SEMA4D: variants seen among roughly 807,000 people sequenced by gnomAD.
SEMA4D encodes semaphorin 4D.
SEMA4D carries 22 observed loss-of-function variants against 74.8 expected under a neutral mutation model. The observed-to-expected ratio is 0.29, with a 90% confidence interval of 0.21 to 0.42. The LOEUF (loss-of-function observed/expected upper bound fraction) is 0.42. SEMA4D is among the 10% of genes least tolerant of loss of function. The probability of loss-of-function intolerance (pLI) is 1.00; values close to 1 mark genes in which losing one functional copy is unlikely to be tolerated. For missense variants in SEMA4D, 937 were observed against 1,118.4 expected (o/e 0.84, Z 2.31); for synonymous variants, 445 against 463.7 (o/e 0.96, Z 0.52).
In SEMA4D at chr9:89,387,447, G is replaced by A. The variant is rs146117514; in HGVS notation, c.1269C>T (p.Ile423=). The change falls in exon 12 of 16, where the codon ATC becomes ATT. Residue 423 remains isoleucine (I), a synonymous_variant. Transcript: ENST00000422704. ...CCAGGGCCTGGGTCCGGTCCACCACGATCTGGGTGTAGTTCACATCTTTCT... is the reference window on the plus strand; with the variant it reads ...CCAGGGCCTGGGTCCGGTCCACCACAATCTGGGTGTAGTTCACATCTTTCT... ...LIKKDVNYTQ[I]VVDRTQALDG... is the part of the protein sequence containing the mutation. 1.4e-5 allele frequency: 22 copies of A among 1,614,090 alleles called. No individual in the cohort carries two copies. The highest frequency in any genetic ancestry group is 4.5e-5 in the East Asian group (2 of 44,904).
intron 1 of SEMA4D, among the ~76,000 whole-genome samples, chr9:89,456,465 AAC>A (rs1230785643): frequency 6.6e-6 from 1 of 152,200 alleles, no homozygotes; most frequent in Non-Finnish European, 1.5e-5. Context: ...TCAATATTCC[AAC>A]ACTTTTTAAG....
At chr9:89,366,959 G>A (rs1185139687) in intron 16 of SEMA4D, among the ~76,000 whole-genome samples, 3 of 152,184 alleles carry the variant, frequency 2.0e-5, no homozygotes, top group Admixed American at 6.5e-5. Context: ...ATCACCCAAC[G>A]CCCCATCATG....
chr9:89,451,340 G>A (rs912579169), intron 2 of SEMA4D, among the ~76,000 whole-genome samples: 8 of 152,164 alleles, frequency 5.3e-5, no homozygotes, highest in African/African-American at 1.9e-4. Flanking sequence ...CACTTATGAA[G>A]CAATTCCCAT....
intron 1 of SEMA4D, among the ~76,000 whole-genome samples, chr9:89,457,223 G>C: frequency 6.6e-6 from 1 of 152,068 alleles, no homozygotes. Context: ...GTGATGGGGT[G>C]GGGAAACCAG....
intron 2 of SEMA4D, chr9:89,450,678 A>AAAAAAAAAAAAAAC: frequency 1.2e-6 from 1 of 815,704 alleles, no homozygotes; most frequent in Non-Finnish European, 1.9e-6. Context: ...AAAAAAAAAA[A>AAAAAAAAAAAAAAC]AAAAAAAAAG....
At chr9:89,439,912 C>T (rs1851316620) in intron 2 of SEMA4D, among the ~76,000 whole-genome samples, 1 of 152,366 alleles carries the variant, frequency 6.6e-6, no homozygotes, top group East Asian at 1.9e-4. Context: ...TAAGCATTCA[C>T]TTACTTTAGC....
chr9:89,453,857 CTTTTT>C (rs11300976), intron 2 of SEMA4D, among the ~76,000 whole-genome samples: 3 of 127,946 alleles, frequency 2.3e-5, no homozygotes. Flanking sequence ...GAATATATGT[CTTTTT>C]TTTTTTTTTT....
downstream of SEMA4D, among the ~76,000 whole-genome samples, chr9:89,374,002 C>T (rs1028532925): frequency 5.3e-5 from 8 of 152,230 alleles, no homozygotes; most frequent in Admixed American, 3.3e-4. Context: ...GCCCTGGCCT[C>T]GGCCCACCCT....
intron 1 of SEMA4D, among the ~76,000 whole-genome samples, chr9:89,458,007 T>C (rs1297332403): frequency 1.3e-5 from 2 of 152,218 alleles, no homozygotes; most frequent in African/African-American, 2.4e-5. Context: ...CACTCCAGCC[T>C]GGTCGATAGA....
At chr9:89,398,862 G>C (rs1487014540) in intron 5 of SEMA4D, among the ~76,000 whole-genome samples, 1 of 152,200 alleles carries the variant, frequency 6.6e-6, no homozygotes, top group Non-Finnish European at 1.5e-5. Flanking sequence ...CAAGTCCAAC[G>C]AAGGGGTTGA....
chr9:89,452,554 C>T (rs1461510222), intron 2 of SEMA4D, among the ~76,000 whole-genome samples: 5 of 152,140 alleles, frequency 3.3e-5, no homozygotes, highest in Non-Finnish European at 7.4e-5. Context: ...TGGCTTCAAG[C>T]GATTCTCCTA....
chr9:89,446,189 C>G (rs1037539051), intron 2 of SEMA4D, among the ~76,000 whole-genome samples: 1 of 152,218 alleles, frequency 6.6e-6, no homozygotes, highest in African/African-American at 2.4e-5. Flanking sequence ...ACACCCACCA[C>G]TACTCTAGCC....
At chr9:89,443,941 C>T (rs953484270) in intron 2 of SEMA4D, among the ~76,000 whole-genome samples, 2 of 152,194 alleles carry the variant, frequency 1.3e-5, no homozygotes, top group Non-Finnish European at 2.9e-5. Flanking sequence ...GGGCCAGGCA[C>T]AGGCACCTAA....
At chr9:89,440,020 G>A (rs551510725) in intron 2 of SEMA4D, among the ~76,000 whole-genome samples, 4 of 152,300 alleles carry the variant, frequency 2.6e-5, no homozygotes, top group East Asian at 1.9e-4. Flanking sequence ...GTCAGGAGCC[G>A]TGTCCAGGAC....
chr9:89,481,694 G>C (rs1824709528), intron 1 of SEMA4D, among the ~76,000 whole-genome samples: 2 of 152,256 alleles, frequency 1.3e-5, no homozygotes, highest in African/African-American at 4.8e-5. Flanking sequence ...ACAGACGGAT[G>C]CTGAGTGACA....
intron 1 of SEMA4D, among the ~76,000 whole-genome samples, chr9:89,483,467 G>A (rs761280534): frequency 2.9e-4 from 44 of 152,096 alleles, no homozygotes; most frequent in Non-Finnish European, 4.4e-4. Flanking sequence ...AAAATCAAGC[G>A]GTAGAGGAGT....
chr9:89,434,173 C>G (rs1849888362), intron 2 of SEMA4D, among the ~76,000 whole-genome samples: 1 of 152,218 alleles, frequency 6.6e-6, no homozygotes, highest in African/African-American at 2.4e-5. Context: ...GCGACAAGGT[C>G]TACCCAGTCA....
At chr9:89,398,737 G>A (rs1469633786) in intron 5 of SEMA4D, among the ~76,000 whole-genome samples, 1 of 152,184 alleles carries the variant, frequency 6.6e-6, no homozygotes, top group Non-Finnish European at 1.5e-5. Context: ...CTCACACAAA[G>A]CCTGCTCCTG....
chr9:89,461,797 G>C (rs965951072), intron 1 of SEMA4D, among the ~76,000 whole-genome samples: 2 of 145,362 alleles, frequency 1.4e-5, no homozygotes, highest in African/African-American at 5.0e-5. Flanking sequence ...CCACCTCCCG[G>C]GTTCAAGTGA....
Sources: allele counts gnomAD v4.1 joint callset (sites outside exome capture counted in the v4.1 genomes callset), GRCh38; gene constraint gnomAD v4.1.1; transcripts MANE v1.5; gene names NCBI Gene and HGNC (gene_info 2026-07-23, HGNC 2026-07-21).